ATF2: variants seen among roughly 807,000 people sequenced by gnomAD.
ATF2 encodes activating transcription factor 2, also known as cyclic AMP-dependent transcription factor ATF-2.
Under a neutral mutation model 60.6 loss-of-function variants are expected in ATF2, and 24 were observed. The observed-to-expected ratio is 0.40, with a 90% CI of 0.29 to 0.56. The LOEUF (loss-of-function observed/expected upper bound fraction) is 0.56. ATF2 is among the 20% of genes least tolerant of loss of function. The pLI is 0.54. For synonymous variants in ATF2, 206 were observed against 215.4 expected (o/e 0.96, Z 0.38); for missense variants, 433 against 607.7 (o/e 0.71, Z 3.02).
chr2:175,077,746 A>C (rs1451673328), intron 13 of ATF2, among the ~76,000 whole-genome samples: 3 of 152,204 alleles, frequency 2.0e-5, no homozygotes, highest in Non-Finnish European at 4.4e-5. Context: ...ACAATTATGT[A>C]ATTATAAACC....
intron 5 of ATF2, 84 bp downstream of exon 5, chr2:175,121,360 A>G (rs1007616607): frequency 3.3e-5 from 27 of 807,380 alleles, no homozygotes; most frequent in Non-Finnish European, 5.0e-5. Context: ...TCACCAGACT[A>G]TATTATTTAC....
At position 175,142,835 on chromosome 2, in the gene ATF2, A is replaced by AGT. The variant is rs554677403; in HGVS notation, c.-43-6351_-43-6350dup. Among the ~76,000 whole-genome samples, 317 of 140,396 alleles carry AGT rather than the reference A, an allele frequency of 2.3e-3. 1 individual carries two copies. Among genetic ancestry groups the AGT allele is most frequent in the Middle Eastern group, 7.7e-3 (2 of 260 alleles). The allele number at this position is 140,396 out of a possible 152,430, so 92.1% of individuals were successfully genotyped here. A position where few individuals can be genotyped will look rare whatever the true frequency, so the allele number is the denominator to read the frequency against. On this transcript the variant is annotated intron_variant, in intron 2 of 13. Transcript: ENST00000264110. Reference sequence around the variant, plus strand: ...GCAACAGCGAGCGAGCAAGAGAGAGAGTGTGTGTGTGTGTCTGTGTGTGTT... The same window carrying AGT: ...GCAACAGCGAGCGAGCAAGAGAGAGAGTGTGTGTGTGTGTGTCTGTGTGTGTT...
At chr2:175,153,381 T>G (rs1295482647) in intron 1 of ATF2, among the ~76,000 whole-genome samples, 2 of 152,218 alleles carry the variant, frequency 1.3e-5, no homozygotes, top group African/African-American at 4.8e-5. Context: ...AACTTCAGAC[T>G]ATACTCACAC....
chr2:175,092,584 T>TCA, intron 12 of ATF2: 1 of 453,504 alleles, frequency 2.2e-6, no homozygotes, highest in South Asian at 1.7e-5. Flanking sequence ...TCCAAAGCTG[T>TCA]CAATCTGGCA....
chr2:175,139,663 C>CAAAAA (rs201481065), intron 2 of ATF2, among the ~76,000 whole-genome samples: 2 of 80,088 alleles, frequency 2.5e-5, no homozygotes, highest in African/African-American at 4.5e-5. Flanking sequence ...GACTCCATCT[C>CAAAAA]AAAAAAAAAA....
chr2:175,108,923 G>A (rs59305255), intron 10 of ATF2, among the ~76,000 whole-genome samples: 176 of 152,176 alleles, frequency 1.2e-3, no homozygotes, highest in African/African-American at 3.9e-3. Context: ...AGGGTTAAAT[G>A]GATTAAGGGC....
At chr2:175,142,718 A>AGTGTGT (rs777398795) in intron 2 of ATF2, among the ~76,000 whole-genome samples, 34 of 113,440 alleles carry the variant, frequency 3.0e-4, no homozygotes, top group East Asian at 5.6e-4. Flanking sequence ...AGAGAGAGAG[A>AGTGTGT]GAGTGTGTGT....
At chr2:175,131,475 T>A (rs1420397005) in intron 3 of ATF2, among the ~76,000 whole-genome samples, 1 of 152,180 alleles carries the variant, frequency 6.6e-6, no homozygotes, top group East Asian at 1.9e-4. Context: ...GTGCCAGTAC[T>A]AGGCAGAGAC....
At chr2:175,125,002 TAAAAACTCTTTG>T (rs1697229327) in intron 4 of ATF2, among the ~76,000 whole-genome samples, 1 of 152,058 alleles carries the variant, frequency 6.6e-6, no homozygotes, top group Non-Finnish European at 1.5e-5. Context: ...AGTCTAGTAT[TAAAAACTCTTTG>T]TAATCATTTC....
rs911024613 is a variant in ATF2, at chr2:175,115,871, C to T, written c.448-1003G>A. 3.3e-5 allele frequency among the ~76,000 whole-genome samples: 5 copies of T among 152,194 alleles called. No homozygotes were observed. In the East Asian group the frequency reaches 9.6e-4, roughly 29 times the overall value. ...GTAAGGAAGAGTCAGTTAATTTAGA[C>T]AGCATAGTAAGAATAGGTGAGCTTC... On this transcript the variant is annotated intron_variant, in intron 7 of 13. Transcript: ENST00000264110.
chr2:175,164,471 T>C (rs1001502957), intron 1 of ATF2, among the ~76,000 whole-genome samples: 7 of 151,996 alleles, frequency 4.6e-5, no homozygotes, highest in African/African-American at 9.7e-5. Context: ...GAGGTGGAGA[T>C]TGCAGTGAGC....
At chr2:175,114,198 A>G in intron 8 of ATF2, 90 bp from the exon 9 acceptor site, 3 of 1,435,946 alleles carry the variant, frequency 2.1e-6, no homozygotes, top group Non-Finnish European at 2.8e-6. Flanking sequence ...TCCTATAATC[A>G]TATCATTTAA....
rs1427527472 is a variant in ATF2 at position 175,108,286 on chromosome 2, T to C, written c.828+3282A>G. Among the ~76,000 whole-genome samples, 3 of 149,224 alleles carry C rather than the reference T, an allele frequency of 2.0e-5. No individual in the cohort carries two copies. In the East Asian group the frequency reaches 6.2e-4, roughly 31 times the overall value. ...CGCCCCGTCTGGGAAGCCAGGAGCG[T>C]CTCCGTCCGGCAGCCACCCCGTCCG... On this transcript the variant is annotated intron_variant, in intron 10 of 13. Transcript: ENST00000264110.
At chr2:175,142,770 T>C (rs1228023263) in intron 2 of ATF2, among the ~76,000 whole-genome samples, 1 of 145,890 alleles carries the variant, frequency 6.9e-6, no homozygotes, top group Non-Finnish European at 1.5e-5. Context: ...TACATAATTC[T>C]AAAAAACCCT....
intron 2 of ATF2, among the ~76,000 whole-genome samples, chr2:175,142,225 C>T (rs1308407426): frequency 2.8e-5 from 4 of 143,586 alleles, no homozygotes; most frequent in Non-Finnish European, 6.0e-5. Flanking sequence ...TCGCTCTTGT[C>T]GCCCAGGCTG....
intron 12 of ATF2, 32 bp downstream of exon 12, chr2:175,093,029 A>C: frequency 6.3e-7 from 1 of 1,584,632 alleles, no homozygotes; most frequent in South Asian, 1.2e-5. Flanking sequence ...TTAAAAAAGA[A>C]ATAAAACAAA....
At chr2:175,122,045 A>G (rs2105718861) in intron 4 of ATF2, among the ~76,000 whole-genome samples, 1 of 152,106 alleles carries the variant, frequency 6.6e-6, no homozygotes, top group East Asian at 1.9e-4. Context: ...CACATAAAAA[A>G]GAATGCCTTT....
At chr2:175,080,469 GA>G (rs535771896) in intron 13 of ATF2, 190 bp downstream of exon 13, 16 of 399,178 alleles carry the variant, frequency 4.0e-5, no homozygotes, top group Non-Finnish European at 6.6e-5. Flanking sequence ...CTAGAAACAG[GA>G]AAACTCAAAC....
intron 1 of ATF2, among the ~76,000 whole-genome samples, chr2:175,161,869 T>C (rs1444758330): frequency 6.6e-6 from 1 of 152,004 alleles, no homozygotes; most frequent in Non-Finnish European, 1.5e-5. Context: ...CGAGCAATTC[T>C]CCTGCCTCAG....
Sources: gnomAD v4.1 joint callset for allele counts (sites outside exome capture counted in the v4.1 genomes callset) on GRCh38, gnomAD v4.1.1 for gene constraint, MANE v1.5 for transcripts, NCBI Gene and HGNC (gene_info 2026-07-23, HGNC 2026-07-21) for gene names.